MAST2: variants seen among roughly 807,000 people sequenced by gnomAD.
The protein encoded by MAST2 is microtubule associated serine/threonine kinase 2.
MAST2 carries 70 observed loss-of-function variants against 147.4 expected under a neutral mutation model. The observed-to-expected ratio is 0.47, with a 90% CI of 0.39 to 0.58. The LOEUF (loss-of-function observed/expected upper bound fraction) is 0.58, where lower values mean the gene tolerates loss of function less well. Among genes scored for constraint, MAST2 ranks in the 20% least tolerant of loss-of-function variants. MAST2 has a pLI of 0.00. For missense variants in MAST2, 2,080 were observed against 2,302.3 expected (o/e 0.90, Z 1.98); for synonymous variants, 869 against 896.8 (o/e 0.97, Z 0.55).
At chr1:45,940,786 A>T (rs1331198469) in intron 4 of MAST2, among the ~76,000 whole-genome samples, 1 of 151,824 alleles carries the variant, frequency 6.6e-6, no homozygotes, top group Non-Finnish European at 1.5e-5. Flanking sequence ...CGCCCTGCTA[A>T]TTTTTTTGTA....
At chr1:45,959,874 A>G (rs1660159647) in intron 5 of MAST2, among the ~76,000 whole-genome samples, 1 of 151,834 alleles carries the variant, frequency 6.6e-6, no homozygotes, top group Admixed American at 6.6e-5. Context: ...GTCTAATGGG[A>G]CTCCTGTTAA....
At chr1:45,920,385 T>C (rs1485973355) in intron 4 of MAST2, among the ~76,000 whole-genome samples, 3 of 152,204 alleles carry the variant, frequency 2.0e-5, no homozygotes, top group Non-Finnish European at 2.9e-5. Flanking sequence ...TGCTGGACTC[T>C]GTTTGAGTAC....
intron 2 of MAST2, among the ~76,000 whole-genome samples, chr1:45,826,227 G>A (rs908802040): frequency 3.3e-5 from 5 of 152,186 alleles, no homozygotes; most frequent in African/African-American, 1.2e-4. Context: ...TTGTTGAAAT[G>A]TGGTTGTGTT....
intron 1 of MAST2, among the ~76,000 whole-genome samples, chr1:45,804,571 T>C (rs1274781088): frequency 6.6e-6 from 1 of 152,198 alleles, no homozygotes; most frequent in Non-Finnish European, 1.5e-5. Flanking sequence ...AGGCTCTCTT[T>C]ACCAACCATC....
At chr1:45,999,939 G>A (rs989512089) in intron 6 of MAST2, among the ~76,000 whole-genome samples, 4 of 152,220 alleles carry the variant, frequency 2.6e-5, no homozygotes, top group African/African-American at 9.6e-5. Flanking sequence ...CAAATGAGTA[G>A]TGGGAGAGAA....
At chr1:45,865,075 T>G (rs775949638) in intron 3 of MAST2, 1 of 455,826 alleles carries the variant, frequency 2.2e-6, no homozygotes, top group South Asian at 1.6e-5. Flanking sequence ...GTCTGGGGAG[T>G]GGCTTTTTTT....
At chr1:46,021,012 A>T (rs1025892801) in intron 11 of MAST2, among the ~76,000 whole-genome samples, 1 of 152,204 alleles carries the variant, frequency 6.6e-6, no homozygotes, top group Non-Finnish European at 1.5e-5. Context: ...AAGCAAATTC[A>T]TGTGAGATGG....
chr1:45,933,001 G>A (rs1655561220), intron 4 of MAST2, among the ~76,000 whole-genome samples: 1 of 140,884 alleles, frequency 7.1e-6, no homozygotes, highest in South Asian at 2.3e-4. Context: ...TATAATCCCA[G>A]CACTTTAGGG....
intron 3 of MAST2, among the ~76,000 whole-genome samples, chr1:45,836,995 T>C (rs528002226): frequency 6.6e-6 from 1 of 152,294 alleles, no homozygotes; most frequent in East Asian, 1.9e-4. Flanking sequence ...AGATCCCTCG[T>C]ATGCGCAGTT....
intron 3 of MAST2, among the ~76,000 whole-genome samples, chr1:45,834,393 A>T (rs1645043603): frequency 6.6e-6 from 1 of 152,008 alleles, no homozygotes; most frequent in African/African-American, 2.4e-5. Context: ...CATCTAGATG[A>T]TGTTTTTATG....
chr1:45,838,432 A>G (rs535564540), intron 3 of MAST2, among the ~76,000 whole-genome samples: 306 of 151,760 alleles, frequency 2.0e-3, no homozygotes, highest in African/African-American at 7.0e-3. Flanking sequence ...CATGTTGGCC[A>G]GGCTCTTCTT....
At chr1:45,881,952 G>A (rs1162991212) in intron 3 of MAST2, among the ~76,000 whole-genome samples, 6 of 144,192 alleles carry the variant, frequency 4.2e-5, no homozygotes, top group East Asian at 2.1e-4. Flanking sequence ...CGAGGCGGGC[G>A]GATCACGAGG....
chr1:45,838,983 T>C (rs1645188516), intron 3 of MAST2, among the ~76,000 whole-genome samples: 1 of 152,132 alleles, frequency 6.6e-6, no homozygotes, highest in South Asian at 2.1e-4. Context: ...TTTCTTTTTT[T>C]TTTCCTTTGA....
chr1:45,808,663 G>C lies in MAST2; in HGVS notation c.177+4591G>C, dbSNP rs1570148706. 4.6e-5 allele frequency among the ~76,000 whole-genome samples: 7 copies of C among 152,154 alleles called. No individual in the cohort carries two copies. The South Asian group carries it at 1.0e-3, about 23-fold the overall frequency. On this transcript the variant is annotated intron_variant, in intron 1 of 28. Transcript: ENST00000361297. The stretch of plus-strand genomic sequence containing the variant: ...ATAAACTTTAGTCTTGGTTGTTGCA[G>C]TATCTTAACTGTATTTACTCAGTCT...
intron 5 of MAST2, among the ~76,000 whole-genome samples, chr1:45,981,467 G>T (rs1644404605): frequency 6.6e-6 from 1 of 152,122 alleles, no homozygotes; most frequent in Admixed American, 6.5e-5. Flanking sequence ...ATCTATAGGA[G>T]AATCTGTGAG....
chr1:45,819,678 A>T (rs924631839), intron 1 of MAST2, among the ~76,000 whole-genome samples: 2 of 152,154 alleles, frequency 1.3e-5, no homozygotes, highest in East Asian at 3.8e-4. Context: ...TTAAACACTG[A>T]TGCAAGAAAT....
chr1:45,809,516 G>A (rs1644233630), intron 1 of MAST2, among the ~76,000 whole-genome samples: 1 of 152,104 alleles, frequency 6.6e-6, no homozygotes, highest in Non-Finnish European at 1.5e-5. Context: ...GGTGGTGCGC[G>A]CCTGTGGGCC....
intron 1 of MAST2, among the ~76,000 whole-genome samples, chr1:45,810,903 A>C (rs1054201552): frequency 3.8e-5 from 5 of 132,902 alleles, no homozygotes; most frequent in Admixed American, 7.8e-5. Flanking sequence ...CCCAGGCTGG[A>C]GTGCAGTGGC....
intron 3 of MAST2, chr1:45,846,930 C>T: frequency 4.2e-6 from 1 of 236,478 alleles, no homozygotes; most frequent in East Asian, 1.4e-4. Flanking sequence ...GATTATGTAC[C>T]ATAATCAATG....
Sources: gnomAD v4.1 joint callset for allele counts (sites outside exome capture counted in the v4.1 genomes callset) on GRCh38, gnomAD v4.1.1 for gene constraint, MANE v1.5 for transcripts, NCBI Gene and HGNC (gene_info 2026-07-23, HGNC 2026-07-21) for gene names.